Variants in GLIPR1L1 observed in about 807,000 individuals in gnomAD.
GLIPR1L1 encodes the protein GLIPR1 like 1, also known as GLIPR1-like protein 1.
Under a neutral mutation model 29.9 loss-of-function variants are expected in GLIPR1L1, and 26 were observed. The observed-to-expected ratio is 0.87, with a 90% CI of 0.64 to 1.21. GLIPR1L1 has a LOEUF of 1.21. Ranked by LOEUF, GLIPR1L1 falls within the 50% of genes most tolerant of loss-of-function variation. The probability of loss-of-function intolerance (pLI) is 0.00; values close to 1 mark genes in which losing one functional copy is unlikely to be tolerated. For synonymous variants in GLIPR1L1, 77 were observed against 97.5 expected (o/e 0.79, Z 1.24); for missense variants, 305 against 290.3 (o/e 1.05, Z -0.37).
At chr12:75,362,022 T>G (rs1412318082) in intron 3 of GLIPR1L1, among the ~76,000 whole-genome samples, 1 of 152,110 alleles carries the variant, frequency 6.6e-6, no homozygotes, top group African/African-American at 2.4e-5. Flanking sequence ...ATAAATTTAA[T>G]GTCATTAAAA....
chr12:75,354,176 G>GGGGGGGA (rs2042998951), intron 3 of GLIPR1L1, among the ~76,000 whole-genome samples: 1 of 131,816 alleles, frequency 7.6e-6, no homozygotes, highest in African/African-American at 2.9e-5. Context: ...AGGGGGGGGG[G>GGGGGGGA]TATTCAAATA....
At chr12:75,356,560 G>A (rs2043170970) in intron 3 of GLIPR1L1, among the ~76,000 whole-genome samples, 1 of 151,892 alleles carries the variant, frequency 6.6e-6, no homozygotes, top group East Asian at 1.9e-4. Context: ...TCGCAAATAA[G>A]CCAACAAAGC....
At chr12:75,335,776 T>C (rs2041691840) in intron 1 of GLIPR1L1, among the ~76,000 whole-genome samples, 1 of 152,082 alleles carries the variant, frequency 6.6e-6, no homozygotes, top group Non-Finnish European at 1.5e-5. Flanking sequence ...TAATGCAGAA[T>C]TGTTAAGATA....
At chr12:75,367,724 T>C (rs560149435) in intron 4 of GLIPR1L1, among the ~76,000 whole-genome samples, 8 of 152,180 alleles carry the variant, frequency 5.3e-5, no homozygotes, top group Admixed American at 2.6e-4. Context: ...TTTTATATGA[T>C]GACAAATCAT....
intron 1 of GLIPR1L1, among the ~76,000 whole-genome samples, chr12:75,337,601 CTA>C (rs2041825032): frequency 6.6e-6 from 1 of 151,910 alleles, no homozygotes; most frequent in African/African-American, 2.4e-5. Flanking sequence ...ATAAAATGCA[CTA>C]GTTTTAATGT....
intron 3 of GLIPR1L1, among the ~76,000 whole-genome samples, chr12:75,359,457 C>T (rs1238365606): frequency 3.9e-5 from 5 of 127,316 alleles, no homozygotes; most frequent in African/African-American, 1.5e-4. Flanking sequence ...TATAAATTGA[C>T]AAGTTGATCA....
chr12:75,357,228 T>C (rs1317900891), intron 3 of GLIPR1L1, among the ~76,000 whole-genome samples: 2 of 152,080 alleles, frequency 1.3e-5, no homozygotes, highest in Non-Finnish European at 2.9e-5. Flanking sequence ...TACATTAGTA[T>C]CAGAAAATGT....
intron 1 of GLIPR1L1, among the ~76,000 whole-genome samples, chr12:75,341,747 CTTTTTTTTTTTTTTT>C (rs1185408752): frequency 2.4e-5 from 2 of 83,418 alleles, no homozygotes; most frequent in Non-Finnish European, 4.5e-5. Flanking sequence ...CGCCCGGCCT[CTTTTTTTTTTTTTTT>C]TTTTTTTTTG....
intron 1 of GLIPR1L1, among the ~76,000 whole-genome samples, chr12:75,337,682 T>A (rs2041830331): frequency 6.6e-6 from 1 of 152,048 alleles, no homozygotes; most frequent in Non-Finnish European, 1.5e-5. Flanking sequence ...TTATTTCATA[T>A]ATGCGTGCCA....
intron 1 of GLIPR1L1, among the ~76,000 whole-genome samples, chr12:75,339,066 T>C (rs1439534610): frequency 6.6e-6 from 1 of 152,230 alleles, no homozygotes; most frequent in Non-Finnish European, 1.5e-5. Flanking sequence ...TGAATATACA[T>C]GTGCATGTAT....
chr12:75,357,973 T>C (rs1286052176), intron 3 of GLIPR1L1, among the ~76,000 whole-genome samples: 2 of 127,586 alleles, frequency 1.6e-5, no homozygotes, highest in African/African-American at 2.9e-5. Flanking sequence ...AAATCTAAAG[T>C]AAAAAAAAAA....
At chr12:75,347,911 T>C (rs2042562520) in intron 3 of GLIPR1L1, among the ~76,000 whole-genome samples, 189 bp downstream of exon 3, 2 of 152,140 alleles carry the variant, frequency 1.3e-5, no homozygotes, top group South Asian at 4.1e-4. Flanking sequence ...AGAAAAATTA[T>C]ACCTATTATA....
intron 3 of GLIPR1L1, among the ~76,000 whole-genome samples, chr12:75,349,033 G>C (rs1470513729): frequency 6.6e-6 from 1 of 152,182 alleles, no homozygotes; most frequent in Non-Finnish European, 1.5e-5. Flanking sequence ...AATACAGCTA[G>C]AGTTCACGGA....
At chr12:75,358,314 AC>A (rs956232275) in intron 3 of GLIPR1L1, among the ~76,000 whole-genome samples, 10 of 151,954 alleles carry the variant, frequency 6.6e-5, no homozygotes, top group Non-Finnish European at 2.9e-5. Context: ...AAACATAGGT[AC>A]AAAAAAATCT....
intron 4 of GLIPR1L1, chr12:75,366,967 T>C: frequency 1.4e-6 from 1 of 701,730 alleles, no homozygotes; most frequent in Admixed American, 2.0e-5. Flanking sequence ...AAGGGGCAGC[T>C]TGCAGCTTGC....
rs972303567 is a variant in GLIPR1L1 at position 75,358,697 on chromosome 12, T to C, written c.522-4405T>C. Among the ~76,000 whole-genome samples the C allele has an allele frequency of 4.8e-5, 7 of 146,456 alleles. No individual in the cohort carries two copies. The East Asian group carries it at 1.2e-3, about 25-fold the overall frequency. On this transcript the variant is annotated intron_variant, in intron 3 of 5. Coordinates refer to ENST00000378695, the MANE Select transcript of GLIPR1L1 (RefSeq NM_001304964.2). ...TGTTACATATTTGTGTTTCTTTTTGTTTTGCTTTTTTAAACCATATATATA... is the reference window on the plus strand; with the variant it reads ...TGTTACATATTTGTGTTTCTTTTTGCTTTGCTTTTTTAAACCATATATATA...
intron 4 of GLIPR1L1, chr12:75,369,425 C>A: frequency 1.6e-6 from 1 of 644,792 alleles, no homozygotes; most frequent in Non-Finnish European, 1.9e-6. Context: ...TAGAATCATG[C>A]TGAATACGTA....
chr12:75,368,593 C>T (rs2044150124), intron 4 of GLIPR1L1, among the ~76,000 whole-genome samples: 1 of 149,438 alleles, frequency 6.7e-6, no homozygotes, highest in Non-Finnish European at 1.5e-5. Context: ...TCCTTGTTAA[C>T]TTTTTTTATT....
intron 1 of GLIPR1L1, among the ~76,000 whole-genome samples, chr12:75,340,942 A>T (rs923471768): frequency 1.3e-5 from 2 of 152,096 alleles, no homozygotes; most frequent in African/African-American, 4.8e-5. Context: ...ATACTGGTGA[A>T]GATATGGAGA....
Sources: gnomAD v4.1 joint callset for allele counts (sites outside exome capture counted in the v4.1 genomes callset) on GRCh38, gnomAD v4.1.1 for gene constraint, MANE v1.5 for transcripts, NCBI Gene and HGNC (gene_info 2026-07-23, HGNC 2026-07-21) for gene names.